The following CA10 variants were observed in gnomAD, a reference collection of about 807,000 sequenced individuals.
CA10 encodes carbonic anhydrase 10 (inactive), also known as carbonic anhydrase-related protein 10.
CA10 carries 14 observed loss-of-function variants against 44.2 expected under a neutral mutation model. The observed-to-expected ratio is 0.32, with a 90% CI of 0.21 to 0.50. CA10 has a LOEUF of 0.50. Among genes scored for constraint, CA10 ranks in the 20% least tolerant of loss-of-function variants. The pLI is 0.99. For synonymous variants in CA10, 159 were observed against 141.6 expected (o/e 1.12, Z -0.87); for missense variants, 350 against 409.7 (o/e 0.85, Z 1.26).
At chr17:51,850,003 C>T (rs1421201943) in intron 3 of CA10, among the ~76,000 whole-genome samples, 1 of 152,188 alleles carries the variant, frequency 6.6e-6, no homozygotes, top group Non-Finnish European at 1.5e-5. Flanking sequence ...CGAAGACATG[C>T]TTCAAGGACA....
At chr17:51,849,270 T>G in intron 3 of CA10, among the ~76,000 whole-genome samples, 1 of 130,472 alleles carries the variant, frequency 7.7e-6, no homozygotes, top group African/African-American at 2.7e-5. Flanking sequence ...TATATAAAAC[T>G]AAGTTTTTTG....
intron 3 of CA10, among the ~76,000 whole-genome samples, chr17:51,878,143 C>CAAAAAAAAAAAA (rs558014863): frequency 3.1e-5 from 2 of 63,688 alleles, no homozygotes; most frequent in East Asian, 6.4e-4. Flanking sequence ...GACTCCGTCT[C>CAAAAAAAAAAAA]AAAAAAAAAA....
intron 1 of CA10, among the ~76,000 whole-genome samples, chr17:52,103,847 T>C (rs985253089): frequency 2.0e-5 from 3 of 152,194 alleles, no homozygotes; most frequent in Non-Finnish European, 2.9e-5. Context: ...GTGGATGACA[T>C]GACTTCACAC....
chr17:51,690,491 A>G (rs1029143536), intron 4 of CA10, among the ~76,000 whole-genome samples: 3 of 152,278 alleles, frequency 2.0e-5, no homozygotes, highest in African/African-American at 7.2e-5. Flanking sequence ...CTCATCTTGA[A>G]TTATCGCTCC....
intron 3 of CA10, among the ~76,000 whole-genome samples, chr17:51,782,996 T>C (rs145410791): frequency 1.3e-5 from 2 of 152,216 alleles, no homozygotes; most frequent in Admixed American, 1.3e-4. Flanking sequence ...CCATTTTGCA[T>C]AAGACAGCCA....
intron 3 of CA10, among the ~76,000 whole-genome samples, chr17:51,753,392 G>A (rs1904958217): frequency 6.6e-6 from 1 of 152,156 alleles, no homozygotes; most frequent in Non-Finnish European, 1.5e-5. Flanking sequence ...AGTGATTTGG[G>A]GCCTCTAATA....
At chr17:51,662,082 C>G (rs555757137) in intron 4 of CA10, among the ~76,000 whole-genome samples, 21 of 152,310 alleles carry the variant, frequency 1.4e-4, no homozygotes, top group African/African-American at 4.8e-4. Flanking sequence ...AACTTCCAGT[C>G]ATATATTTTC....
At chr17:52,079,155 G>A (rs544273873) in intron 1 of CA10, among the ~76,000 whole-genome samples, 13 of 152,202 alleles carry the variant, frequency 8.5e-5, no homozygotes, top group East Asian at 3.9e-4. Context: ...GCGCTGTGGC[G>A]GGCACCTGTA....
At position 51,721,846 on chromosome 17, in the gene CA10, G is replaced by C. The variant is rs138224942; in HGVS notation, c.465+25787C>G. ...TATTCCTCGCCCCTGCCCTAGTCCTGCTGCAACCTTACACTGTGTACCTGT... is the reference window on the plus strand; with the variant it reads ...TATTCCTCGCCCCTGCCCTAGTCCTCCTGCAACCTTACACTGTGTACCTGT... On this transcript the variant is annotated intron_variant, in intron 4 of 8. Transcript: ENST00000451037. Among the ~76,000 whole-genome samples, 189 of 152,208 alleles carry C rather than the reference G, an allele frequency of 1.2e-3. 4 individuals are homozygous for C. The East Asian group carries it at 0.032, about 25-fold the overall frequency.
chr17:51,693,038 G>A (rs989946744), intron 4 of CA10, among the ~76,000 whole-genome samples: 11 of 152,280 alleles, frequency 7.2e-5, no homozygotes, highest in Admixed American at 1.3e-4. Context: ...TAGCTTCTGC[G>A]AATTTCCATG....
intron 3 of CA10, among the ~76,000 whole-genome samples, chr17:51,748,172 G>A (rs1904772714): frequency 6.6e-6 from 1 of 152,234 alleles, no homozygotes; most frequent in East Asian, 1.9e-4. Flanking sequence ...AATCTCAGCT[G>A]TGAGAAATTG....
chr17:51,685,671 G>A (rs556674289), intron 4 of CA10, among the ~76,000 whole-genome samples: 13 of 152,172 alleles, frequency 8.5e-5, no homozygotes, highest in Non-Finnish European at 1.9e-4. Context: ...ATCAGAAGGA[G>A]GAACAGCTGC....
chr17:51,882,729 C>T (rs2143890942), intron 3 of CA10, among the ~76,000 whole-genome samples: 1 of 152,260 alleles, frequency 6.6e-6, no homozygotes, highest in Non-Finnish European at 1.5e-5. Flanking sequence ...CTTCACGGGT[C>T]TCTGCCAGCC....
chr17:51,820,169 C>T (rs534076950), intron 3 of CA10, among the ~76,000 whole-genome samples: 6 of 143,888 alleles, frequency 4.2e-5, no homozygotes, highest in Admixed American at 1.4e-4. Context: ...GACTCCAGAA[C>T]ATGAACCTGA....
chr17:52,147,306 C>T (rs1435930732), intron 1 of CA10, among the ~76,000 whole-genome samples: 2 of 151,942 alleles, frequency 1.3e-5, no homozygotes, highest in African/African-American at 4.8e-5. Context: ...ATATACAGTC[C>T]CTGTCTTGCA....
chr17:51,746,304 T>C (rs1904685778), intron 4 of CA10, among the ~76,000 whole-genome samples: 1 of 152,222 alleles, frequency 6.6e-6, no homozygotes. Flanking sequence ...ACTTTCAGTG[T>C]TTTTACATCT....
chr17:52,093,809 A>C (rs537147262), intron 1 of CA10, among the ~76,000 whole-genome samples: 1 of 152,180 alleles, frequency 6.6e-6, no homozygotes, highest in East Asian at 1.9e-4. Context: ...ATGTTTTGCA[A>C]GTATATCTTG....
chr17:51,769,596 G>C (rs1285772142), intron 3 of CA10, among the ~76,000 whole-genome samples: 3 of 152,146 alleles, frequency 2.0e-5, no homozygotes, highest in African/African-American at 7.2e-5. Context: ...TATGTAAAAG[G>C]GGGTGGATTC....
intron 1 of CA10, among the ~76,000 whole-genome samples, chr17:52,106,391 T>A (rs1265942182): frequency 6.6e-6 from 1 of 152,004 alleles, no homozygotes; most frequent in African/African-American, 2.4e-5. Flanking sequence ...TCCTTGAAAA[T>A]TGAATAGGGA....
Sources: gnomAD v4.1 joint callset for allele counts (sites outside exome capture counted in the v4.1 genomes callset) on GRCh38, gnomAD v4.1.1 for gene constraint, MANE v1.5 for transcripts, NCBI Gene and HGNC (gene_info 2026-07-23, HGNC 2026-07-21) for gene names.